BOC: variants seen among roughly 807,000 people sequenced by gnomAD.
The protein encoded by BOC is BOC cell adhesion associated, oncogene regulated.
BOC carries 76 observed loss-of-function variants against 112.0 expected under a neutral mutation model. The ratio of observed to expected loss-of-function variants is 0.68; its 90% CI spans 0.56 to 0.82. The LOEUF is 0.82. Ranked by LOEUF, BOC falls within the 40% of genes least tolerant of loss-of-function variation. The pLI, the probability that BOC is intolerant of heterozygous loss-of-function variation, is 0.00. For missense variants in BOC, 1,309 were observed against 1,511.7 expected, an observed-to-expected ratio of 0.87 and a Z score of 2.22; for synonymous variants, 580 against 599.8, an observed-to-expected ratio of 0.97 and a Z score of 0.48.
In BOC at chr3:113,268,321, T is replaced by C. The variant is rs778748083; in HGVS notation, c.399T>C (p.Asp133=). The change falls in exon 5 of 20, where the codon GAT becomes GAC. Residue 133 remains aspartate, a synonymous_variant. Coordinates refer to ENST00000682979, the MANE Select transcript of BOC (RefSeq NM_001378074.1). The part of the protein sequence containing the change: ...TLANLQDFKL[D]VQHVIEVDEG... Reference sequence around the variant, plus strand: ...CAGATCTCCAGGACTTCAAGTTAGATGTGCAGCACGTGATTGAAGTGGATG... The same window carrying C: ...CAGATCTCCAGGACTTCAAGTTAGACGTGCAGCACGTGATTGAAGTGGATG... The C allele has an allele frequency of 4.3e-6, 7 of 1,614,010 alleles. No individual in the cohort carries two copies. The highest frequency in any genetic ancestry group is 5.1e-6 in the Non-Finnish European group (6 of 1,180,022).
intron 2 of BOC, among the ~76,000 whole-genome samples, chr3:113,238,018 C>T (rs55814436): frequency 0.28 from 42,606 of 152,032 alleles, 6,671 homozygotes; most frequent in East Asian, 0.54. Flanking sequence ...CAGACAGATG[C>T]ATGATCAAAA....
intron 2 of BOC, among the ~76,000 whole-genome samples, chr3:113,222,348 T>A (rs1031946771): frequency 6.6e-6 from 1 of 152,200 alleles, no homozygotes; most frequent in Non-Finnish European, 1.5e-5. Context: ...AATAGGAGTT[T>A]CAAACAAAAT....
chr3:113,260,140 T>A (rs1022350925), intron 4 of BOC, among the ~76,000 whole-genome samples: 1 of 152,178 alleles, frequency 6.6e-6, no homozygotes. Flanking sequence ...TCCACAGTGC[T>A]GTCCACGGGG....
intron 2 of BOC, among the ~76,000 whole-genome samples, chr3:113,225,984 C>T (rs963392483): frequency 6.6e-6 from 1 of 152,208 alleles, no homozygotes; most frequent in African/African-American, 2.4e-5. Context: ...CAAGTAGGTA[C>T]AGTGATAGTC....
intron 4 of BOC, among the ~76,000 whole-genome samples, chr3:113,266,248 A>G (rs544367313): frequency 2.0e-5 from 3 of 152,280 alleles, no homozygotes; most frequent in South Asian, 4.1e-4. Flanking sequence ...GTATGTGTGT[A>G]TATTTATCAG....
chr3:113,259,981 G>T (rs1309108252), intron 4 of BOC, among the ~76,000 whole-genome samples: 1 of 152,144 alleles, frequency 6.6e-6, no homozygotes, highest in African/African-American at 2.4e-5. Flanking sequence ...CAAGACTCAG[G>T]TATCTTCTCT....
Position 113,284,554 on chromosome 3 carries a change from G to A in BOC, c.2876G>A (p.Gly959Asp), listed in dbSNP as rs1193644684. Residue 959 changes from glycine (G) to aspartate (D), a missense_variant, in exon 17 of 20, where the codon GGC becomes GAC. By Grantham distance (94) the Gly-to-Asp change is moderately conservative. Coordinates refer to ENST00000682979, the MANE Select transcript of BOC (RefSeq NM_001378074.1). ...PGMKPQQHCP[G>D]ELQQQSDTSS... ...ATGAAGCCCCAGCAGCACTGCCCAG[G>A]CGAGCTTCAGCAGGTAGCGCATTCT... 1 of 1,612,630 alleles carries A rather than the reference G, an allele frequency of 6.2e-7. No homozygotes were observed.
At chr3:113,279,551 C>A in intron 12 of BOC, 96 bp downstream of exon 12, 1 of 1,216,284 alleles carries the variant, frequency 8.2e-7, no homozygotes, top group Non-Finnish European at 1.1e-6. Context: ...CTTCTCTCGG[C>A]CCAGGCCCCC....
In BOC at chr3:113,287,022, A is replaced by G. The variant is rs1469748515; in HGVS notation, c.*160A>G. 1 of 847,138 alleles carries G rather than the reference A, an allele frequency of 1.2e-6. No individual in the cohort carries two copies. The highest frequency in any genetic ancestry group is 2.1e-5 in the Admixed American group (1 of 47,974). 52.5% of individuals were successfully genotyped at this position (847,138 alleles called of 1,614,324 possible). On this transcript the variant is annotated 3_prime_UTR_variant, in exon 20 of 20. Coordinates refer to ENST00000682979, the MANE Select transcript of BOC (RefSeq NM_001378074.1). ...ATGTATATGTTTTATAATTCTGGAG[A>G]GACATAAGGAGTCCTACCCGTTGAG... is the stretch of plus-strand genomic sequence containing the variant.
chr3:113,283,770 A>C (rs1949410324), intron 16 of BOC, 138 bp downstream of exon 16: 66 of 756,058 alleles, frequency 8.7e-5, no homozygotes, highest in East Asian at 5.4e-5. Flanking sequence ...GAGAACACCC[A>C]ACGACTGGGC....
intron 2 of BOC, among the ~76,000 whole-genome samples, chr3:113,229,191 A>G (rs985663243): frequency 3.9e-5 from 6 of 152,200 alleles, no homozygotes; most frequent in African/African-American, 1.4e-4. Flanking sequence ...CTAGAAGCTC[A>G]CTGTTAACCC....
intron 2 of BOC, among the ~76,000 whole-genome samples, chr3:113,234,452 C>T (rs1212786680): frequency 6.6e-6 from 1 of 152,144 alleles, no homozygotes; most frequent in Non-Finnish European, 1.5e-5. Flanking sequence ...GTTTCTGGCT[C>T]CCTGCCTGTT....
At position 113,281,152 on chromosome 3, in the gene BOC, A is replaced by AG. The variant is rs777216997; in HGVS notation, c.2434+1dup. Reference sequence around the variant, plus strand: ...GCAACGTGATGATCTGTGAGACCAAAGGTGAAGCTCTTTGGGTTCTCTCTC... The same window carrying AG: ...GCAACGTGATGATCTGTGAGACCAAAGGGTGAAGCTCTTTGGGTTCTCTCTC... On this transcript the variant is annotated frameshift_variant and splice_region_variant, in exon 15 of 20. Coordinates refer to ENST00000682979, the MANE Select transcript of BOC (RefSeq NM_001378074.1). LOFTEE classifies it high-confidence loss of function. 7 of 1,614,108 alleles carry AG rather than the reference A, an allele frequency of 4.3e-6. No homozygotes were observed. The Admixed American group carries it at 1.2e-4, about 27-fold the overall frequency.
Position 113,216,228 on chromosome 3 carries a change from T to C in BOC, c.-128T>C, listed in dbSNP as rs1450446074. On this transcript the variant is annotated 5_prime_UTR_variant, in exon 2 of 20. Transcript: ENST00000682979. ...CTGGAACCCATGACCCATGAAGTCT[T>C]GTCGACATTTATACCGTCTGAGGGT... 2 of 456,612 alleles carry C rather than the reference T, an allele frequency of 4.4e-6. No homozygotes were observed. The allele number at this position is 456,612 out of a possible 1,614,324, so 28.3% of individuals were successfully genotyped here.
intron 4 of BOC, among the ~76,000 whole-genome samples, chr3:113,261,517 C>A (rs1576445251): frequency 6.6e-6 from 1 of 152,172 alleles, no homozygotes; most frequent in Admixed American, 6.5e-5. Context: ...AGATGGTCTA[C>A]AGACCAGACA....
At chr3:113,219,662 A>G (rs963561020) in intron 2 of BOC, among the ~76,000 whole-genome samples, 2 of 152,208 alleles carry the variant, frequency 1.3e-5, no homozygotes, top group South Asian at 4.1e-4. Context: ...TGTAAGGGGT[A>G]GGTGAGGGTC....
chr3:113,284,541 C>T lies in BOC; in HGVS notation c.2863C>T (p.Gln955Ter), dbSNP rs1265839106. 2 of 1,613,522 alleles carry T rather than the reference C, an allele frequency of 1.2e-6. No individual in the cohort carries two copies. The highest frequency in any genetic ancestry group is 1.7e-6 in the Non-Finnish European group (2 of 1,179,682). The change falls in exon 17 of 20, where the codon CAG becomes TAG. Residue 955 changes from glutamine to a stop codon, truncating the protein, a stop_gained. Transcript: ENST00000682979. LOFTEE classifies it high-confidence loss of function. ...GGGCTACCCGGGCATGAAGCCCCAG[C>T]AGCACTGCCCAGGCGAGCTTCAGCA... Reference protein sequence around the residue: ...AVGYPGMKPQQHCPGELQQQS... With the variant: ...AVGYPGMKPQ
At chr3:113,245,120 G>A (rs140607281) in intron 2 of BOC, among the ~76,000 whole-genome samples, 4 of 151,966 alleles carry the variant, frequency 2.6e-5, no homozygotes, top group African/African-American at 9.6e-5. Context: ...AGGTCCCTCC[G>A]AATTAAAAAA....
chr3:113,228,443 C>G (rs1021619680), intron 2 of BOC, among the ~76,000 whole-genome samples: 1 of 152,004 alleles, frequency 6.6e-6, no homozygotes, highest in African/African-American at 2.4e-5. Context: ...CTGTGCCTGG[C>G]CCCCAGATTC....
Sources: gnomAD v4.1 joint callset for allele counts (sites outside exome capture counted in the v4.1 genomes callset) on GRCh38, gnomAD v4.1.1 for gene constraint, MANE v1.5 for transcripts, NCBI Gene and HGNC (gene_info 2026-07-23, HGNC 2026-07-21) for gene names.